TFEC: variants seen among roughly 807,000 people sequenced by gnomAD.
TFEC encodes class E basic helix-loop-helix protein 34.
TFEC carries 31 observed loss-of-function variants against 41.6 expected under a neutral mutation model. The ratio of observed to expected loss-of-function variants is 0.74; its 90% CI spans 0.56 to 1.01. The LOEUF (loss-of-function observed/expected upper bound fraction) is 1.01, where lower values mean the gene tolerates loss of function less well. TFEC is among the 50% of genes least tolerant of loss of function. The pLI, the probability that TFEC is intolerant of heterozygous loss-of-function variation, is 0.00. For synonymous variants in TFEC, 143 were observed against 140.6 expected (o/e 1.02, Z -0.12); for missense variants, 402 against 404.1 (o/e 0.99, Z 0.04).
At chr7:116,111,189 T>C (rs1797848005) in intron 2 of TFEC, among the ~76,000 whole-genome samples, 3 of 151,700 alleles carry the variant, frequency 2.0e-5, no homozygotes, top group Admixed American at 2.0e-4. Context: ...CTGACTTTGT[T>C]ATTCTGAGCA....
intron 1 of TFEC, among the ~76,000 whole-genome samples, chr7:116,139,761 C>T (rs926002886): frequency 6.6e-6 from 1 of 152,002 alleles, no homozygotes; most frequent in African/African-American, 2.4e-5. Flanking sequence ...GCCTTAAAGA[C>T]TGGGAGAATT....
chr7:116,031,343 A>T (rs1795777245), upstream of TFEC, among the ~76,000 whole-genome samples: 1 of 152,148 alleles, frequency 6.6e-6, no homozygotes, highest in Non-Finnish European at 1.5e-5. Flanking sequence ...AGTTCAGCTT[A>T]TGAGATTTCT....
At chr7:115,951,022 T>C in intron 5 of TFEC, 73 bp from the exon 6 acceptor site, 2 of 870,654 alleles carry the variant, frequency 2.3e-6, no homozygotes, top group Non-Finnish European at 3.4e-6. Context: ...TAAACATTTT[T>C]AACAATCTTT....
rs1225059666 is a variant in TFEC at position 115,935,235 on chromosome 7, T to G, written c.*5316A>C. ...GTATTTTTACAAAGATTTTTGTATG[T>G]ATTAAAGTACACCAAAGTTCTCCAT... On this transcript the variant is annotated 3_prime_UTR_variant, in exon 8 of 8. Coordinates refer to ENST00000265440, the MANE Select transcript of TFEC (RefSeq NM_012252.4). The G allele has an allele frequency of 6.6e-6, 1 of 152,106 alleles. No individual in the cohort carries two copies. Among genetic ancestry groups the G allele is most frequent in the East Asian group, 1.9e-4 (1 of 5,198 alleles). The allele number at this position is 152,106 out of a possible 1,614,324, so 9.4% of individuals were successfully genotyped here.
chr7:116,098,869 AGGAAG>A (rs1203469974), intron 3 of TFEC, among the ~76,000 whole-genome samples: 1 of 62,050 alleles, frequency 1.6e-5, no homozygotes. Context: ...GAGGAAGAAA[AGGAAG>A]GAAGGAAGGA....
intron 1 of TFEC, among the ~76,000 whole-genome samples, chr7:116,027,864 C>G (rs975065289): frequency 2.6e-5 from 4 of 152,150 alleles, no homozygotes; most frequent in African/African-American, 9.7e-5. Flanking sequence ...ACGTCCTAGA[C>G]TCTCCTTTCA....
At chr7:116,130,206 C>T (rs1161967363) in intron 1 of TFEC, among the ~76,000 whole-genome samples, 4 of 152,188 alleles carry the variant, frequency 2.6e-5, no homozygotes, top group Non-Finnish European at 5.9e-5. Flanking sequence ...TATATTCTCA[C>T]TAACACTGCA....
chr7:116,039,677 G>T (rs1461109493), intron 3 of TFEC, among the ~76,000 whole-genome samples: 1 of 151,776 alleles, frequency 6.6e-6, no homozygotes. Context: ...CTTGGAAAGG[G>T]TAATAAAACC....
intron 1 of TFEC, among the ~76,000 whole-genome samples, chr7:116,021,525 G>A (rs1037779015): frequency 7.2e-5 from 11 of 152,182 alleles, no homozygotes. Flanking sequence ...ACTCCAGAAA[G>A]TCAAAGCTGC....
chr7:116,156,015 TTTTG>T (rs1304435221), intron 1 of TFEC, among the ~76,000 whole-genome samples: 5 of 152,198 alleles, frequency 3.3e-5, no homozygotes, highest in Non-Finnish European at 5.9e-5. Flanking sequence ...TTTCTGAGTT[TTTTG>T]TTTTTGTTTT....
At chr7:116,154,253 A>G (rs1798823195) in intron 1 of TFEC, among the ~76,000 whole-genome samples, 2 of 152,188 alleles carry the variant, frequency 1.3e-5, no homozygotes, top group South Asian at 4.1e-4. Flanking sequence ...CCAGGCTTAG[A>G]GAAAAAAGAA....
chr7:115,953,381 A>G (rs1278266043), intron 5 of TFEC, among the ~76,000 whole-genome samples: 1 of 152,050 alleles, frequency 6.6e-6, no homozygotes, highest in East Asian at 1.9e-4. Context: ...TTCTAGATTC[A>G]TTCTATTTAA....
chr7:116,100,067 C>T (rs1797569649), intron 3 of TFEC, among the ~76,000 whole-genome samples: 1 of 151,894 alleles, frequency 6.6e-6, no homozygotes, highest in South Asian at 2.1e-4. Flanking sequence ...TTTAATTTAC[C>T]AATACTGACT....
At chr7:115,958,301 C>G (rs1465102396) in intron 3 of TFEC, among the ~76,000 whole-genome samples, 1 of 151,834 alleles carries the variant, frequency 6.6e-6, no homozygotes, top group Non-Finnish European at 1.5e-5. Flanking sequence ...AGATGTTTTT[C>G]TAAGATGTGA....
At chr7:115,991,106 C>T (rs1192822260) in intron 1 of TFEC, among the ~76,000 whole-genome samples, 1 of 152,132 alleles carries the variant, frequency 6.6e-6, no homozygotes. Context: ...ATTTTCAACC[C>T]AGAATTTCAT....
chr7:116,038,564 A>G (rs1054126203), intron 3 of TFEC, among the ~76,000 whole-genome samples: 1 of 152,006 alleles, frequency 6.6e-6, no homozygotes, highest in African/African-American at 2.4e-5. Context: ...AAAATCAAAA[A>G]TATTTCATGG....
chr7:116,107,639 C>A (rs1797751229), intron 3 of TFEC, among the ~76,000 whole-genome samples: 1 of 152,086 alleles, frequency 6.6e-6, no homozygotes, highest in Admixed American at 6.6e-5. Context: ...GAAATAGCAG[C>A]CAACAAATTC....
intron 6 of TFEC, among the ~76,000 whole-genome samples, chr7:115,943,318 G>A (rs929312922): frequency 7.9e-5 from 12 of 151,800 alleles, no homozygotes; most frequent in African/African-American, 2.9e-4. Flanking sequence ...ACTGAAACAT[G>A]TAATGGACTC....
chr7:116,142,660 C>A (rs903274556), intron 1 of TFEC, among the ~76,000 whole-genome samples: 12 of 151,900 alleles, frequency 7.9e-5, no homozygotes, highest in Non-Finnish European at 1.5e-4. Context: ...CCCAGAGGGT[C>A]AAAGAAAGCC....
Sources: allele counts gnomAD v4.1 joint callset (sites outside exome capture counted in the v4.1 genomes callset), GRCh38; gene constraint gnomAD v4.1.1; transcripts MANE v1.5; gene names NCBI Gene and HGNC (gene_info 2026-07-23, HGNC 2026-07-21).